APLP2: variants seen among roughly 807,000 people sequenced by gnomAD.
The protein encoded by APLP2 is CDEI box-binding protein.
APLP2 carries 53 observed loss-of-function variants against 89.9 expected under a neutral mutation model. The observed-to-expected ratio is 0.59, with a 90% CI of 0.47 to 0.74. The LOEUF (loss-of-function observed/expected upper bound fraction) is 0.74. APLP2 is among the 30% of genes least tolerant of loss of function. The pLI, the probability that APLP2 is intolerant of heterozygous loss-of-function variation, is 0.00. For missense variants in APLP2, 973 were observed against 975.9 expected (o/e 1.00, Z 0.04); for synonymous variants, 372 against 348.6 (o/e 1.07, Z -0.75).
intron 11 of APLP2, among the ~76,000 whole-genome samples, chr11:130,132,095 C>T (rs998306993): frequency 2.0e-5 from 3 of 152,124 alleles, no homozygotes; most frequent in Admixed American, 1.3e-4. Context: ...TGCAGTCTCC[C>T]GCTCTGTGGT....
At chr11:130,101,104 A>G (rs905665321) in intron 1 of APLP2, among the ~76,000 whole-genome samples, 1 of 151,470 alleles carries the variant, frequency 6.6e-6, no homozygotes, top group Non-Finnish European at 1.5e-5. Context: ...TAGTCTTCCA[A>G]TTGCAGAAAA....
chr11:130,138,581 GTTTTTT>G (rs34805457), intron 13 of APLP2, among the ~76,000 whole-genome samples: 1 of 91,388 alleles, frequency 1.1e-5, no homozygotes, highest in African/African-American at 5.2e-5. Flanking sequence ...CTGGTGGTAG[GTTTTTT>G]TTTTTTTTTT....
rs190328027 is a variant in APLP2, at chr11:130,143,781, G to A, written c.*333G>A. 2.7e-4 allele frequency: 57 copies of A among 211,876 alleles called. No individual in the cohort carries two copies. The highest frequency in any genetic ancestry group is 2.4e-4 in the Non-Finnish European group (25 of 103,898). The allele number at this position is 211,876 out of a possible 1,614,324, so 13.1% of individuals were successfully genotyped here. ...CACATGCTCTCAATATATAATAAAT[G>A]GGAAATGTCGATTTTCAATAATAGA... On this transcript the variant is annotated 3_prime_UTR_variant, in exon 17 of 17. Transcript: ENST00000338167.
intron 1 of APLP2, chr11:130,070,547 C>T (rs1940787424): frequency 2.3e-6 from 3 of 1,279,636 alleles, no homozygotes; most frequent in Non-Finnish European, 3.0e-6. Context: ...GGCCTCCCAC[C>T]TGCGAGCGGC....
intron 7 of APLP2, among the ~76,000 whole-genome samples, chr11:130,126,174 G>A (rs1384879050): frequency 6.6e-6 from 1 of 152,162 alleles, no homozygotes; most frequent in African/African-American, 2.4e-5. Flanking sequence ...TCTCTACCCA[G>A]CGTATATGCA....
chr11:130,078,858 TATA>T (rs1942615154), intron 1 of APLP2, among the ~76,000 whole-genome samples: 2 of 152,024 alleles, frequency 1.3e-5, no homozygotes, highest in African/African-American at 4.8e-5. Context: ...TTAATTATTA[TATA>T]ATAAGATTTT....
Position 130,123,485 on chromosome 11 carries a change from G to A in APLP2, c.923-127G>A, listed in dbSNP as rs750199779. ...GCCTGAGCTGGAGCTTTCGGCCACC[G>A]GGCCTCCAGGCTCCGTCCAGTCTCA... is the stretch of plus-strand genomic sequence containing the variant. On this transcript the variant is annotated intron_variant, in intron 6 of 16. Coordinates refer to ENST00000338167, the MANE Select transcript of APLP2 (RefSeq NM_001142276.2). This position sits in a 1 kb window ranked among gnomAD's most constrained non-coding sequence, Gnocchi z 4.0. 15 of 1,007,058 alleles carry A rather than the reference G, an allele frequency of 1.5e-5. No individual in the cohort carries two copies. Among genetic ancestry groups the A allele is most frequent in the African/African-American group, 4.9e-5 (3 of 61,368 alleles). The allele number at this position is 1,007,058 out of a possible 1,614,324, so 62.4% of individuals were successfully genotyped here. A position where few individuals can be genotyped will look rare whatever the true frequency, so the allele number is the denominator to read the frequency against.
chr11:130,135,225 T>G (rs1421277343), intron 12 of APLP2, among the ~76,000 whole-genome samples: 2 of 152,052 alleles, frequency 1.3e-5, no homozygotes, highest in East Asian at 1.9e-4. Context: ...TTCTGGAAGG[T>G]GATGTGTGTG....
At chr11:130,073,594 G>A (rs767121573) in intron 1 of APLP2, among the ~76,000 whole-genome samples, 8 of 152,192 alleles carry the variant, frequency 5.3e-5, no homozygotes, top group Admixed American at 1.3e-4. Flanking sequence ...TGTAATCCTA[G>A]CACTTTGGGA....
chr11:130,123,235 C>T lies in APLP2; in HGVS notation c.923-377C>T, dbSNP rs1950022906. The stretch of plus-strand genomic sequence containing the variant: ...CTTGTCTTTACTACGGGTATCACCA[C>T]TTAAAGCAGCCTTTCCACTCACACT... On this transcript the variant is annotated intron_variant, in intron 6 of 16. Coordinates refer to ENST00000338167, the MANE Select transcript of APLP2 (RefSeq NM_001142276.2). This position sits in a 1 kb window ranked among gnomAD's most constrained non-coding sequence, Gnocchi z 4.0. 6.6e-6 allele frequency among the ~76,000 whole-genome samples: 1 copy of T among 152,200 alleles called. No homozygotes were observed. Among genetic ancestry groups the T allele is most frequent in the African/African-American group, 2.4e-5 (1 of 41,452 alleles).
intron 1 of APLP2, chr11:130,070,716 C>T: frequency 1.4e-6 from 2 of 1,477,496 alleles, no homozygotes; most frequent in East Asian, 2.9e-5. Context: ...CGCTGTTTGC[C>T]TGCGTCCGTA....
Position 130,135,555 on chromosome 11 carries a change from T to G in APLP2, c.1685-8T>G, listed in dbSNP as rs1466712613. Reference sequence around the variant, plus strand: ...CCTGCTTTCTGTCCCCTGCCCTGTCTTCATCAGATGAGCTCCTTCAGGAGC... The same window carrying G: ...CCTGCTTTCTGTCCCCTGCCCTGTCGTCATCAGATGAGCTCCTTCAGGAGC... On this transcript the variant is annotated splice_polypyrimidine_tract_variant and splice_region_variant and intron_variant, in intron 12 of 16. Transcript: ENST00000338167. 3.1e-6 allele frequency: 5 copies of G among 1,613,892 alleles called. No individual in the cohort carries two copies. In the Admixed American group the frequency reaches 5.0e-5, roughly 16 times the overall value.
intron 1 of APLP2, among the ~76,000 whole-genome samples, chr11:130,078,329 C>T (rs1446796968): frequency 2.6e-5 from 4 of 152,128 alleles, no homozygotes; most frequent in Non-Finnish European, 4.4e-5. Context: ...GAATAAACCA[C>T]GCAGTTTGTT....
chr11:130,140,288 G>A, intron 13 of APLP2, 110 bp from the exon 14 acceptor site: 1 of 693,330 alleles, frequency 1.4e-6, no homozygotes, highest in African/African-American at 1.8e-5. Context: ...CGCGTGGGGA[G>A]GTGCGTGTTG....
chr11:130,074,284 C>A (rs369824466), intron 1 of APLP2, among the ~76,000 whole-genome samples: 1 of 152,098 alleles, frequency 6.6e-6, no homozygotes, highest in Non-Finnish European at 1.5e-5. Flanking sequence ...GGCATGATCT[C>A]GGCTTACTGC....
At chr11:130,097,033 G>T (rs12420951) in intron 1 of APLP2, among the ~76,000 whole-genome samples, 12,947 of 152,248 alleles carry the variant, frequency 0.085, 682 homozygotes, top group African/African-American at 0.14. Context: ...AAGCAGATCT[G>T]CTGTAAGCTG....
intron 1 of APLP2, chr11:130,101,436 T>C (rs1946914798): frequency 6.6e-6 from 1 of 152,334 alleles, no homozygotes; most frequent in African/African-American, 2.4e-5. Context: ...TCCGCCCACC[T>C]CGGCCTCCCA....
At chr11:130,091,095 C>T (rs1297963961) in intron 1 of APLP2, among the ~76,000 whole-genome samples, 7 of 141,994 alleles carry the variant, frequency 4.9e-5, no homozygotes, top group African/African-American at 1.9e-4. Flanking sequence ...GGGGGGCTGA[C>T]CCCCCCACCT....
chr11:130,084,871 AAG>A (rs1943862936), intron 1 of APLP2, among the ~76,000 whole-genome samples: 1 of 152,202 alleles, frequency 6.6e-6, no homozygotes, highest in Non-Finnish European at 1.5e-5. Context: ...AAATCAAAGA[AAG>A]AGTTGGGTTT....
Sources: allele counts gnomAD v4.1 joint callset (sites outside exome capture counted in the v4.1 genomes callset), GRCh38; gene constraint gnomAD v4.1.1; non-coding constraint Gnocchi (gnomAD v3.1); transcripts MANE v1.5; gene names NCBI Gene and HGNC (gene_info 2026-07-23, HGNC 2026-07-21).